PDE4D: variants seen among roughly 807,000 people sequenced by gnomAD.
The protein encoded by PDE4D is phosphodiesterase 4D.
Under a neutral mutation model 87.4 loss-of-function variants are expected in PDE4D, and 24 were observed. The observed-to-expected ratio is 0.27, with a 90% CI of 0.20 to 0.39. The LOEUF (loss-of-function observed/expected upper bound fraction) is 0.39, where lower values mean the gene tolerates loss of function less well. Ranked by LOEUF, PDE4D falls within the 10% of genes least tolerant of loss-of-function variation. PDE4D has a pLI of 1.00. For synonymous variants in PDE4D, 384 were observed against 383.2 expected (o/e 1.00, Z -0.02); for missense variants, 714 against 1,041.0 (o/e 0.69, Z 4.32).
chr5:59,610,960 G>C (rs1336634072), intron 1 of PDE4D, among the ~76,000 whole-genome samples: 1 of 152,124 alleles, frequency 6.6e-6, no homozygotes, highest in Non-Finnish European at 1.5e-5. Context: ...GGGAAGAAAT[G>C]GGATCTAGAC....
At chr5:60,419,156 T>C (rs906947594) in intron 1 of PDE4D, among the ~76,000 whole-genome samples, 29 of 151,836 alleles carry the variant, frequency 1.9e-4, no homozygotes, top group African/African-American at 7.0e-4. Context: ...ATCCTACAGA[T>C]ATACTGGCAT....
intron 1 of PDE4D, among the ~76,000 whole-genome samples, chr5:59,839,105 C>T (rs1238326481): frequency 1.3e-5 from 2 of 152,002 alleles, no homozygotes; most frequent in East Asian, 2.0e-4. Context: ...ACACACTGAA[C>T]GTTCCACTGA....
At chr5:59,607,710 G>A (rs1483546924) in intron 1 of PDE4D, among the ~76,000 whole-genome samples, 1 of 151,958 alleles carries the variant, frequency 6.6e-6, no homozygotes, top group Non-Finnish European at 1.5e-5. Flanking sequence ...TATAATTAGA[G>A]GTACAAGAGA....
intron 1 of PDE4D, among the ~76,000 whole-genome samples, chr5:60,207,770 G>C (rs1231184868): frequency 6.6e-6 from 1 of 152,204 alleles, no homozygotes; most frequent in Non-Finnish European, 1.5e-5. Context: ...GAAGTGTTCA[G>C]AAAGTTATAG....
chr5:59,683,112 T>C (rs1749296430), intron 1 of PDE4D, among the ~76,000 whole-genome samples: 1 of 151,928 alleles, frequency 6.6e-6, no homozygotes, highest in African/African-American at 2.4e-5. Flanking sequence ...CTATGTATGA[T>C]AATTCCATGT....
At chr5:60,102,358 C>A (rs191948034) in intron 2 of PDE4D, among the ~76,000 whole-genome samples, 11 of 152,068 alleles carry the variant, frequency 7.2e-5, no homozygotes, top group Middle Eastern at 3.4e-3. Context: ...TCCTGTCACT[C>A]GACCAAGCCT....
intron 1 of PDE4D, chr5:59,768,437 G>A (rs1270329440): frequency 6.3e-7 from 1 of 1,598,426 alleles, no homozygotes; most frequent in East Asian, 2.2e-5. Context: ...TCTTCGTTCA[G>A]CCACGGGTTT....
At chr5:60,047,609 C>T (rs1454009296) in intron 2 of PDE4D, among the ~76,000 whole-genome samples, 1 of 151,992 alleles carries the variant, frequency 6.6e-6, no homozygotes, top group African/African-American at 2.4e-5. Context: ...TAATTTCTGC[C>T]TTCATTTCGT....
chr5:59,030,732 A>G (rs1443007043), intron 6 of PDE4D, among the ~76,000 whole-genome samples: 1 of 152,194 alleles, frequency 6.6e-6, no homozygotes, highest in African/African-American at 2.4e-5. Flanking sequence ...CCCTGTCTCA[A>G]AAACAAACGA....
At chr5:58,977,474 T>C in intron 11 of PDE4D, 129 bp from the exon 12 acceptor site, 1 of 751,028 alleles carries the variant, frequency 1.3e-6, no homozygotes. Context: ...TACCTGACAA[T>C]ATCCAGGAGA....
chr5:59,189,232 G>GTTTTTTTTTT (rs34203891), intron 3 of PDE4D, among the ~76,000 whole-genome samples: 3 of 99,926 alleles, frequency 3.0e-5, no homozygotes, highest in Non-Finnish European at 4.2e-5. Context: ...TTCCTACCCC[G>GTTTTTTTTTT]TTTTTTTTTT....
chr5:60,318,455 C>G (rs1755859431), intron 1 of PDE4D, among the ~76,000 whole-genome samples: 1 of 152,116 alleles, frequency 6.6e-6, no homozygotes, highest in Admixed American at 6.5e-5. Context: ...CAGTCTGTGT[C>G]TTTTAATTGA....
chr5:59,357,901 C>T (rs1029754985), intron 1 of PDE4D, among the ~76,000 whole-genome samples: 4 of 152,126 alleles, frequency 2.6e-5, no homozygotes, highest in African/African-American at 7.2e-5. Context: ...CAACTGTAAA[C>T]CAAGGGAGAG....
intron 5 of PDE4D, chr5:59,091,043 C>T (rs1439953448): frequency 2.4e-6 from 1 of 423,676 alleles, no homozygotes; most frequent in East Asian, 7.5e-5. Flanking sequence ...AAAACAAATA[C>T]AATTCAAATA....
At chr5:59,171,961 A>C (rs1304970371) in intron 5 of PDE4D, among the ~76,000 whole-genome samples, 1 of 107,210 alleles carries the variant, frequency 9.3e-6, no homozygotes, top group Non-Finnish European at 1.7e-5. Context: ...AATTATATTT[A>C]TATATTATAT....
At position 58,969,109 on chromosome 5, in the gene PDE4D, C is replaced by G. The variant is rs1222269321; in HGVS notation, c.*5555G>C. The G allele has an allele frequency of 6.6e-6, 1 of 152,082 alleles. No homozygotes were observed. The highest frequency in any genetic ancestry group is 1.5e-5 in the Non-Finnish European group (1 of 68,028). 9.4% of individuals were successfully genotyped at this position (152,082 alleles called of 1,614,324 possible). On this transcript the variant is annotated 3_prime_UTR_variant, in exon 15 of 15. Transcript: ENST00000340635. ...TATCAGATTGAATTATATCCAATAT[C>G]AATTTGATGGCTATATTCAACACAT...
At chr5:59,676,748 G>A (rs1014673334) in intron 1 of PDE4D, among the ~76,000 whole-genome samples, 9 of 152,086 alleles carry the variant, frequency 5.9e-5, no homozygotes, top group African/African-American at 2.2e-4. Context: ...CAGGGTATTA[G>A]CATATGTTCC....
chr5:59,918,697 C>T (rs930215876), intron 3 of PDE4D, among the ~76,000 whole-genome samples: 1 of 152,168 alleles, frequency 6.6e-6, no homozygotes, highest in Non-Finnish European at 1.5e-5. Context: ...ACCTCTGATA[C>T]GTAACCTCTG....
intron 2 of PDE4D, among the ~76,000 whole-genome samples, chr5:59,989,115 T>TAC (rs70975356): frequency 2.8e-4 from 21 of 73,990 alleles, no homozygotes; most frequent in Non-Finnish European, 5.8e-4. Flanking sequence ...TATATATATA[T>TAC]ACACACACAC....
Sources: allele counts gnomAD v4.1 joint callset (sites outside exome capture counted in the v4.1 genomes callset), GRCh38; gene constraint gnomAD v4.1.1; transcripts MANE v1.5; gene names NCBI Gene and HGNC (gene_info 2026-07-23, HGNC 2026-07-21).